The following CTNNA2 variants were observed in gnomAD, a reference collection of about 807,000 sequenced individuals.
CTNNA2 encodes the protein catenin alpha-2.
In CTNNA2, 42 loss-of-function variants were observed where a neutral mutation model predicts 101.0. The ratio of observed to expected loss-of-function variants is 0.42; its 90% CI spans 0.32 to 0.54. The LOEUF (loss-of-function observed/expected upper bound fraction) is 0.54, where lower values mean the gene tolerates loss of function less well. Ranked by LOEUF, CTNNA2 falls within the 20% of genes least tolerant of loss-of-function variation. The pLI is 0.14. For synonymous variants in CTNNA2, 450 were observed against 456.4 expected (o/e 0.99, Z 0.18); for missense variants, 871 against 1,223.1 (o/e 0.71, Z 4.29).
At position 79,246,955 on chromosome 2, in the gene CTNNA2, T is replaced by G. The variant is rs528373932; in HGVS notation, c.-406+48879T>G. ...CTTAATTTACAGCATCCTGGAGACC[T>G]GAAAGCTAGGGCTCATGGCCTTTGG... is the stretch of plus-strand genomic sequence containing the variant. On this transcript the variant is annotated intron_variant, in intron 2 of 21. Transcript: ENST00000466387. 6.6e-5 allele frequency among the ~76,000 whole-genome samples: 10 copies of G among 152,348 alleles called. No homozygotes were observed. In the South Asian group the frequency reaches 2.1e-3, roughly 32 times the overall value.
intron 9 of CTNNA2, among the ~76,000 whole-genome samples, chr2:80,501,490 A>G (rs1246465316): frequency 1.3e-5 from 2 of 152,194 alleles, no homozygotes; most frequent in African/African-American, 2.4e-5. Context: ...CATAAACAAT[A>G]TGAACTGGGG....
At chr2:80,102,603 C>T (rs1374691240) in intron 7 of CTNNA2, among the ~76,000 whole-genome samples, 1 of 152,188 alleles carries the variant, frequency 6.6e-6, no homozygotes, top group Non-Finnish European at 1.5e-5. Flanking sequence ...ACCTCTGCCT[C>T]CTGGGTTCAA....
intron 9 of CTNNA2, among the ~76,000 whole-genome samples, chr2:80,486,115 A>G (rs1217159264): frequency 2.0e-5 from 3 of 152,334 alleles, no homozygotes; most frequent in Admixed American, 6.5e-5. Context: ...GCTCTTATAA[A>G]TGGAAAGTCT....
At chr2:79,705,004 A>C (rs1038269894) in intron 2 of CTNNA2, among the ~76,000 whole-genome samples, 1 of 152,140 alleles carries the variant, frequency 6.6e-6, no homozygotes, top group African/African-American at 2.4e-5. Flanking sequence ...TCTCCTCGCC[A>C]CCACTGGGGA....
chr2:79,331,258 T>A (rs1676865487), intron 3 of CTNNA2, among the ~76,000 whole-genome samples: 1 of 152,118 alleles, frequency 6.6e-6, no homozygotes, highest in African/African-American at 2.4e-5. Context: ...TAGAAGTGCC[T>A]GAGAAAACAA....
chr2:80,612,393 C>G (rs1161356745), intron 17 of CTNNA2, among the ~76,000 whole-genome samples: 1 of 151,606 alleles, frequency 6.6e-6, no homozygotes, highest in Non-Finnish European at 1.5e-5. Flanking sequence ...CTACCTGACA[C>G]TGTCATATAT....
intron 6 of CTNNA2, among the ~76,000 whole-genome samples, chr2:79,898,186 T>C (rs1684841393): frequency 6.6e-6 from 1 of 152,154 alleles, no homozygotes; most frequent in African/African-American, 2.4e-5. Flanking sequence ...CAGGCTGGTG[T>C]GCAGTGGTGT....
chr2:80,533,404 G>T (rs1432873149), intron 9 of CTNNA2, among the ~76,000 whole-genome samples: 1 of 152,152 alleles, frequency 6.6e-6, no homozygotes, highest in Admixed American at 6.5e-5. Flanking sequence ...TGTGAAGCGG[G>T]CTGTAGTCAC....
At chr2:79,964,057 T>G (rs2104543372) in intron 7 of CTNNA2, among the ~76,000 whole-genome samples, 1 of 147,016 alleles carries the variant, frequency 6.8e-6, no homozygotes, top group East Asian at 2.0e-4. Context: ...CCAGTGGTTA[T>G]CAGCTCTAAG....
chr2:80,552,101 G>T (rs369744720), intron 11 of CTNNA2, among the ~76,000 whole-genome samples: 8 of 152,244 alleles, frequency 5.3e-5, no homozygotes, highest in African/African-American at 1.9e-4. Context: ...GACATTTATT[G>T]TTTGCCTTCT....
chr2:80,591,716 A>T (rs796870268), intron 15 of CTNNA2, among the ~76,000 whole-genome samples: 25 of 152,216 alleles, frequency 1.6e-4, no homozygotes, highest in African/African-American at 6.0e-4. Context: ...TGTAAAGGGC[A>T]TGTGGGTACA....
intron 4 of CTNNA2, among the ~76,000 whole-genome samples, chr2:79,409,126 G>T (rs1344850307): frequency 6.6e-6 from 1 of 152,078 alleles, no homozygotes; most frequent in Admixed American, 6.6e-5. Context: ...CATGTCCTTT[G>T]CCCACTTTTT....
intron 4 of CTNNA2, among the ~76,000 whole-genome samples, chr2:79,413,059 A>G (rs1678435018): frequency 6.6e-6 from 1 of 152,068 alleles, no homozygotes; most frequent in Non-Finnish European, 1.5e-5. Context: ...AACAAGTGTC[A>G]GGGTCAAAGT....
intron 4 of CTNNA2, among the ~76,000 whole-genome samples, chr2:79,416,925 A>G (rs941527740): frequency 3.3e-5 from 5 of 152,104 alleles, no homozygotes; most frequent in African/African-American, 1.2e-4. Flanking sequence ...AAATTATCTC[A>G]TGGCACATTA....
At chr2:80,081,681 A>G (rs1699159146) in intron 7 of CTNNA2, among the ~76,000 whole-genome samples, 1 of 151,380 alleles carries the variant, frequency 6.6e-6, no homozygotes, top group African/African-American at 2.4e-5. Context: ...GTTTAATTTC[A>G]CTTTCTTTTT....
chr2:80,000,102 A>T lies in CTNNA2; in HGVS notation c.1056+90305A>T, dbSNP rs114065954. 9.0e-3 allele frequency among the ~76,000 whole-genome samples: 1,374 copies of T among 152,182 alleles called. 24 individuals are homozygous for T. Among genetic ancestry groups the T allele is most frequent in the African/African-American group, 0.031 (1,277 of 41,542 alleles). On this transcript the variant is annotated intron_variant, in intron 7 of 18. Transcript: ENST00000402739. Reference sequence around the variant, plus strand: ...AAGAATCCTTGTTTTTTGGCCACTGATGGGATGTGGAGAGCAAAGTTAAAA... The same window carrying T: ...AAGAATCCTTGTTTTTTGGCCACTGTTGGGATGTGGAGAGCAAAGTTAAAA...
chr2:79,598,903 T>C (rs1437469666), intron 1 of CTNNA2, among the ~76,000 whole-genome samples: 1 of 152,190 alleles, frequency 6.6e-6, no homozygotes. Flanking sequence ...AGGCTTTCTC[T>C]TATGTTATCT....
At chr2:80,422,572 C>A (rs1017188162) in intron 9 of CTNNA2, among the ~76,000 whole-genome samples, 1 of 151,834 alleles carries the variant, frequency 6.6e-6, no homozygotes, top group African/African-American at 2.4e-5. Context: ...ATTGCTTGCT[C>A]TATGTTTCTT....
intron 7 of CTNNA2, among the ~76,000 whole-genome samples, chr2:80,267,965 T>G (rs1673142935): frequency 6.6e-6 from 1 of 152,254 alleles, no homozygotes; most frequent in African/African-American, 2.4e-5. Flanking sequence ...TAGAGGCGTC[T>G]TAAGAAAACT....
Sources: gnomAD v4.1 joint callset for allele counts (sites outside exome capture counted in the v4.1 genomes callset) on GRCh38, gnomAD v4.1.1 for gene constraint, MANE v1.5 for transcripts, NCBI Gene and HGNC (gene_info 2026-07-23, HGNC 2026-07-21) for gene names.